The following CA10 variants were observed in gnomAD, a reference collection of about 807,000 sequenced individuals.
CA10 encodes carbonic anhydrase-related protein 10.
In CA10, 14 loss-of-function variants were observed where a neutral mutation model predicts 44.2. The ratio of observed to expected loss-of-function variants is 0.32; its 90% confidence interval spans 0.21 to 0.50. The LOEUF is 0.50. CA10 is among the 20% of genes least tolerant of loss of function. The pLI is 0.99. For missense variants in CA10, 350 were observed against 409.7 expected, an observed-to-expected ratio of 0.85 and a Z score of 1.26; for synonymous variants, 159 against 141.6, an observed-to-expected ratio of 1.12 and a Z score of -0.87.
At chr17:51,663,781 C>T (rs9303590) in intron 4 of CA10, among the ~76,000 whole-genome samples, 29,546 of 152,004 alleles carry the variant, frequency 0.19, 3,362 homozygotes, top group African/African-American at 0.31. Flanking sequence ...GATGAAGTGA[C>T]GTGTTAAGTT....
At chr17:51,907,926 A>G (rs1598111570) in intron 3 of CA10, among the ~76,000 whole-genome samples, 1 of 152,302 alleles carries the variant, frequency 6.6e-6, no homozygotes, top group South Asian at 2.1e-4. Flanking sequence ...TCATGAAAAC[A>G]TAAGGTTCAC....
At position 51,747,802 on chromosome 17, in the gene CA10, T is replaced by G; in HGVS notation, c.296A>C (p.Tyr99Ser). The change falls in exon 4 of 9, where the codon TAC becomes TCC. Residue 99 changes from tyrosine (Y) to serine (S), a missense_variant. Coordinates refer to ENST00000451037, the MANE Select transcript of CA10 (RefSeq NM_020178.5). ...AAGGGATACGTGTCTTCCAGTGTTG[T>G]ACATGGTCCCACTGACCTGCAAGGC... ...TGGRKVSGTM[Y>S]NTGRHVSLRL... is the part of the protein sequence containing the mutation. 1 of 1,612,048 alleles carries G rather than the reference T, an allele frequency of 6.2e-7. No homozygotes were observed. Among genetic ancestry groups the G allele is most frequent in the Non-Finnish European group, 8.5e-7 (1 of 1,179,114 alleles).
chr17:51,896,074 G>T (rs980542404), intron 3 of CA10, among the ~76,000 whole-genome samples: 2 of 151,790 alleles, frequency 1.3e-5, no homozygotes, highest in African/African-American at 4.9e-5. Context: ...AAAATGCACA[G>T]ATTTTTATTT....
intron 1 of CA10, among the ~76,000 whole-genome samples, chr17:52,108,945 A>T (rs551601822): frequency 4.1e-4 from 63 of 152,048 alleles, no homozygotes; most frequent in East Asian, 3.9e-3. Context: ...ACTTTTTTTA[A>T]AAAAAAGTGA....
chr17:51,817,522 G>A (rs147296360), intron 3 of CA10, among the ~76,000 whole-genome samples: 3 of 152,346 alleles, frequency 2.0e-5, no homozygotes, highest in Non-Finnish European at 4.4e-5. Flanking sequence ...TGGGATGCCT[G>A]AAGCTGGGCA....
At chr17:52,140,177 G>A (rs11079992) in intron 1 of CA10, among the ~76,000 whole-genome samples, 78,419 of 151,998 alleles carry the variant, frequency 0.52, 23,073 homozygotes, top group African/African-American at 0.82. Context: ...TTATAGGACT[G>A]TCTTTTTTAC....
intron 2 of CA10, among the ~76,000 whole-genome samples, chr17:51,993,208 C>T (rs1985106610): frequency 6.6e-6 from 1 of 152,016 alleles, no homozygotes; most frequent in Non-Finnish European, 1.5e-5. Flanking sequence ...GAGGCTCGTG[C>T]ACATTAATCC....
Position 51,906,276 on chromosome 17 carries a change from GT to G in CA10, c.279+24713del, listed in dbSNP as rs1290766865. On this transcript the variant is annotated intron_variant, in intron 3 of 8. Coordinates refer to ENST00000451037, the MANE Select transcript of CA10 (RefSeq NM_020178.5). ...ATTCATTTATCAACCTTCCAAGCAG[GT>G]TTTTCCCCCCGGTATTCCACTGAAA... Among the ~76,000 whole-genome samples the G allele has an allele frequency of 3.3e-5, 5 of 152,114 alleles. No individual in the cohort carries two copies. The Middle Eastern group carries it at 0.014, about 414-fold the overall frequency.
At position 51,871,549 on chromosome 17, in the gene CA10, T is replaced by A. The variant is rs145320466; in HGVS notation, c.279+59441A>T. ...GCCATCGCGCCCAGCCACACCTGGGTAATTTTTGTATTTTTAGTTGAGATG... is the reference window on the plus strand; with the variant it reads ...GCCATCGCGCCCAGCCACACCTGGGAAATTTTTGTATTTTTAGTTGAGATG... On this transcript the variant is annotated intron_variant, in intron 3 of 8. Transcript: ENST00000451037. Among the ~76,000 whole-genome samples the A allele has an allele frequency of 3.1e-3, 462 of 150,190 alleles. 2 individuals carry two copies. The highest frequency in any genetic ancestry group is 0.011 in the African/African-American group (449 of 40,758).
At chr17:51,869,131 G>A (rs1282448792) in intron 3 of CA10, among the ~76,000 whole-genome samples, 1 of 151,822 alleles carries the variant, frequency 6.6e-6, no homozygotes, top group East Asian at 1.9e-4. Context: ...AACTCCAATA[G>A]AAAAAGGACT....
intron 4 of CA10, among the ~76,000 whole-genome samples, chr17:51,706,623 A>G (rs1162878995): frequency 6.6e-6 from 1 of 152,136 alleles, no homozygotes; most frequent in African/African-American, 2.4e-5. Context: ...GCTAAATCAG[A>G]TCATACCACT....
At chr17:52,088,905 A>G (rs970213614) in intron 1 of CA10, among the ~76,000 whole-genome samples, 1 of 152,234 alleles carries the variant, frequency 6.6e-6, no homozygotes, top group Non-Finnish European at 1.5e-5. Context: ...CAAGCACAAA[A>G]GTGAAAAATA....
chr17:51,820,407 C>A (rs757393240), intron 3 of CA10, among the ~76,000 whole-genome samples: 1 of 14,630 alleles, frequency 6.8e-5, no homozygotes, highest in Non-Finnish European at 1.7e-4. Context: ...ATTCCCCTAC[C>A]CCCCCCCCCC....
chr17:51,985,162 C>G (rs528802967), intron 2 of CA10, among the ~76,000 whole-genome samples: 1 of 151,836 alleles, frequency 6.6e-6, no homozygotes, highest in African/African-American at 2.4e-5. Context: ...AAAAAATAAT[C>G]CACCATGATC....
intron 2 of CA10, among the ~76,000 whole-genome samples, chr17:52,014,033 A>C (rs1228294046): frequency 1.3e-5 from 2 of 151,948 alleles, no homozygotes; most frequent in Non-Finnish European, 2.9e-5. Context: ...AATATGATAG[A>C]AAGTGGTGGA....
chr17:51,919,083 T>C (rs568015817), intron 3 of CA10, among the ~76,000 whole-genome samples: 9 of 152,184 alleles, frequency 5.9e-5, no homozygotes, highest in African/African-American at 2.2e-4. Context: ...AAACCAAGCT[T>C]AGAAGAAAAT....
intron 5 of CA10, 94 bp from the exon 6 acceptor site, chr17:51,649,348 G>T (rs1271247329): frequency 3.2e-6 from 3 of 939,234 alleles, no homozygotes; most frequent in African/African-American, 3.2e-5. Flanking sequence ...TAGTTACTGA[G>T]TATCTACCAT....
intron 2 of CA10, among the ~76,000 whole-genome samples, chr17:52,024,244 G>A (rs1986231246): frequency 6.6e-6 from 1 of 152,022 alleles, no homozygotes. Context: ...CCCCGTTTGA[G>A]GTGATACTTC....
At chr17:51,924,278 GT>G (rs957937164) in intron 3 of CA10, among the ~76,000 whole-genome samples, 4 of 151,342 alleles carry the variant, frequency 2.6e-5, no homozygotes, top group African/African-American at 9.8e-5. Flanking sequence ...CACTTTGTTT[GT>G]TTTGTTTGTT....
Sources: gnomAD v4.1 joint callset for allele counts (sites outside exome capture counted in the v4.1 genomes callset) on GRCh38, gnomAD v4.1.1 for gene constraint, MANE v1.5 for transcripts, NCBI Gene and HGNC (gene_info 2026-07-23, HGNC 2026-07-21) for gene names.